Variants in DIAPH2 observed in about 807,000 individuals in gnomAD.
DIAPH2 encodes protein diaphanous homolog 2.
A neutral mutation model predicts 92.7 loss-of-function variants in DIAPH2; 35 were observed. The ratio of observed to expected loss-of-function variants is 0.38; its 90% CI spans 0.29 to 0.50. The LOEUF (loss-of-function observed/expected upper bound fraction) is 0.50, where lower values mean the gene tolerates loss of function less well. Among genes scored for constraint, DIAPH2 ranks in the 20% least tolerant of loss-of-function variants. The probability of loss-of-function intolerance (pLI) is 0.94; values close to 1 mark genes in which losing one functional copy is unlikely to be tolerated. For synonymous variants in DIAPH2, 301 were observed against 280.4 expected (o/e 1.07, Z -0.73); for missense variants, 701 against 819.5 (o/e 0.86, Z 1.77).
At chrX:97,466,357 T>C (rs1405248059) in intron 26 of DIAPH2, among the ~76,000 whole-genome samples, 1 of 111,830 alleles carries the variant, frequency 8.9e-6, no homozygotes, top group African/African-American at 3.2e-5. Flanking sequence ...ATCATTCATA[T>C]TATGTACAGA....
chrX:96,901,372 C>G (rs1450518041), intron 5 of DIAPH2, among the ~76,000 whole-genome samples: 2 of 107,030 alleles, frequency 1.9e-5, no homozygotes, highest in Admixed American at 2.0e-4. Flanking sequence ...ATTAATCTCG[C>G]TAATAGTCTA....
At chrX:97,347,624 A>G (rs753453118) in intron 23 of DIAPH2, among the ~76,000 whole-genome samples, 1 of 111,284 alleles carries the variant, frequency 9.0e-6, no homozygotes, top group Non-Finnish European at 1.9e-5. Flanking sequence ...AAGATCTTCA[A>G]GTCTCACTAA....
chrX:96,819,174 G>A (rs1249136369), intron 4 of DIAPH2, among the ~76,000 whole-genome samples: 1 of 112,230 alleles, frequency 8.9e-6, no homozygotes, highest in Non-Finnish European at 1.9e-5. Flanking sequence ...GTAGAGGACA[G>A]TGTGCACTGT....
rs1356148636 is a variant in DIAPH2, at chrX:97,348,164, CACA to C, written c.2900_2902del (p.Asn967del). On this transcript the variant is annotated inframe_deletion, in exon 24 of 27. Transcript: ENST00000324765. ...ACAGTATGAAAAACTCTCCACCATG[CACA>C]ACAACATGATGAAGCTCTATGAGAA... The C allele has an allele frequency of 8.3e-7, 1 of 1,210,627 alleles. No homozygotes were observed.
chrX:97,477,677 TC>T (rs1315967069), intron 26 of DIAPH2, among the ~76,000 whole-genome samples: 1 of 111,589 alleles, frequency 9.0e-6, no homozygotes, highest in African/African-American at 3.3e-5. Flanking sequence ...TATACACACA[TC>T]CTTTTTAGTT....
intron 19 of DIAPH2, among the ~76,000 whole-genome samples, chrX:97,080,471 C>T (rs1255585605): frequency 2.9e-5 from 3 of 103,348 alleles, no homozygotes; most frequent in Non-Finnish European, 4.0e-5. Context: ...CCACAATCCC[C>T]CTCCCCCGCC....
At chrX:97,024,925 C>T (rs773916959) in intron 17 of DIAPH2, among the ~76,000 whole-genome samples, 1 of 111,850 alleles carries the variant, frequency 8.9e-6, no homozygotes, top group Non-Finnish European at 1.9e-5. Context: ...GGATGGGGGT[C>T]GGAGTGTTGT....
At chrX:97,051,404 G>A (rs1379507941) in intron 17 of DIAPH2, among the ~76,000 whole-genome samples, 1 of 110,167 alleles carries the variant, frequency 9.1e-6, no homozygotes, top group Non-Finnish European at 1.9e-5. Flanking sequence ...GGAATTTGAA[G>A]TATTCTTAAT....
chrX:96,957,045 G>A (rs2065815160), intron 15 of DIAPH2, among the ~76,000 whole-genome samples: 1 of 112,502 alleles, frequency 8.9e-6, no homozygotes, highest in Non-Finnish European at 1.9e-5. Context: ...CTTTGAGACG[G>A]AGTCTCGCTC....
intron 17 of DIAPH2, among the ~76,000 whole-genome samples, chrX:97,006,066 C>A (rs2066180331): frequency 9.0e-6 from 1 of 111,079 alleles, no homozygotes; most frequent in Non-Finnish European, 1.9e-5. Context: ...TATTAACCAA[C>A]TGGTCATTCA....
Position 96,698,410 on chromosome X carries a change from T to C in DIAPH2, c.132+13220T>C, listed in dbSNP as rs144848811. ...TTCCTGCGTGTGCTTTGCCTAAAGA[T>C]TGGCTGCTATAAAAGTGTGGTATAT... On this transcript the variant is annotated intron_variant, in intron 1 of 26. Transcript: ENST00000324765. Among the ~76,000 whole-genome samples the C allele has an allele frequency of 7.1e-4, 79 of 112,056 alleles. 1 individual carries two copies. Among genetic ancestry groups the C allele is most frequent in the African/African-American group, 2.6e-3 (79 of 30,838 alleles).
chrX:97,226,219 G>A (rs777844557), intron 22 of DIAPH2, among the ~76,000 whole-genome samples: 3 of 111,777 alleles, frequency 2.7e-5, no homozygotes, highest in African/African-American at 9.7e-5. Flanking sequence ...TTAATGGAAT[G>A]TTCCTTCCAC....
At chrX:97,005,192 G>T (rs750420751) in intron 17 of DIAPH2, among the ~76,000 whole-genome samples, 10 of 111,511 alleles carry the variant, frequency 9.0e-5, no homozygotes, top group Non-Finnish European at 1.7e-4. Context: ...GTTGAATTCG[G>T]TTTGCTGTTA....
intron 26 of DIAPH2, among the ~76,000 whole-genome samples, chrX:97,445,237 G>A (rs2070296933): frequency 9.0e-6 from 1 of 110,808 alleles, no homozygotes; most frequent in African/African-American, 3.3e-5. Context: ...AAATATTATG[G>A]GCAAGTTGAA....
At chrX:96,898,306 C>G (rs1332000742) in intron 5 of DIAPH2, among the ~76,000 whole-genome samples, 1 of 104,469 alleles carries the variant, frequency 9.6e-6, no homozygotes, top group East Asian at 3.1e-4. Context: ...GCCACACTGA[C>G]TTCCGCAATG....
rs1005715653 is a variant in DIAPH2 at position 97,092,086 on chromosome X, A to C, written c.2248-7608A>C. On this transcript the variant is annotated intron_variant, in intron 19 of 26. Coordinates refer to ENST00000324765, the MANE Select transcript of DIAPH2 (RefSeq NM_006729.5). ...TTCTGTAAAAGCTCTAGACCAGTAG[A>C]GTTTGGTAGATGTTCCTACGATAGT... Among the ~76,000 whole-genome samples, 5 of 111,697 alleles carry C rather than the reference A, an allele frequency of 4.5e-5. No homozygotes were observed. The Admixed American group carries it at 4.7e-4, about 11-fold the overall frequency.
intron 23 of DIAPH2, among the ~76,000 whole-genome samples, chrX:97,338,853 A>C (rs902261712): frequency 8.9e-6 from 1 of 111,848 alleles, no homozygotes; most frequent in Non-Finnish European, 1.9e-5. Context: ...GTAAAATGAT[A>C]AACAGTTTTC....
intron 15 of DIAPH2, among the ~76,000 whole-genome samples, chrX:96,949,483 G>T (rs1016242252): frequency 1.8e-5 from 2 of 109,331 alleles, no homozygotes; most frequent in Non-Finnish European, 3.8e-5. Flanking sequence ...TTCAATTAGG[G>T]TGTCTAAACT....
intron 4 of DIAPH2, among the ~76,000 whole-genome samples, chrX:96,877,345 A>T (rs2065187145): frequency 8.9e-6 from 1 of 112,208 alleles, no homozygotes; most frequent in African/African-American, 3.2e-5. Context: ...ATAGATTAGA[A>T]ACTTATTTGA....
Sources: gnomAD v4.1 joint callset for allele counts (sites outside exome capture counted in the v4.1 genomes callset) on GRCh38, gnomAD v4.1.1 for gene constraint, MANE v1.5 for transcripts, NCBI Gene and HGNC (gene_info 2026-07-23, HGNC 2026-07-21) for gene names.